The following SRP72 variants were observed in gnomAD, a reference collection of about 807,000 sequenced individuals.
SRP72 encodes signal recognition particle subunit SRP72.
In SRP72, 49 loss-of-function variants were observed where a neutral mutation model predicts 96.3. The observed-to-expected ratio is 0.51, with a 90% CI of 0.40 to 0.65. The LOEUF (loss-of-function observed/expected upper bound fraction) is 0.65. Ranked by LOEUF, SRP72 falls within the 30% of genes least tolerant of loss-of-function variation. SRP72 has a pLI of 0.00. For missense variants in SRP72, 736 were observed against 793.3 expected, an observed-to-expected ratio of 0.93 and a Z score of 0.87; for synonymous variants, 267 against 275.2, an observed-to-expected ratio of 0.97 and a Z score of 0.30.
At chr4:56,494,967 C>T (rs1355255031) in intron 16 of SRP72, among the ~76,000 whole-genome samples, 1 of 152,192 alleles carries the variant, frequency 6.6e-6, no homozygotes, top group Non-Finnish European at 1.5e-5. Flanking sequence ...ATCTTACCTA[C>T]ACATGTTCTT....
chr4:56,468,511 G>T (rs889607415), intron 1 of SRP72, among the ~76,000 whole-genome samples: 1 of 102,814 alleles, frequency 9.7e-6, no homozygotes, highest in Non-Finnish European at 2.1e-5. Context: ...TCTCGGTGGT[G>T]CGCAGTTCTT....
At chr4:56,492,348 A>G (rs1240764753) in intron 16 of SRP72, among the ~76,000 whole-genome samples, 5 of 152,240 alleles carry the variant, frequency 3.3e-5, no homozygotes, top group Admixed American at 6.5e-5. Context: ...AGAAAAGGTT[A>G]GTCGGCTTCA....
At chr4:56,473,765 CAAAAAAAAAA>C (rs998156276) in intron 3 of SRP72, among the ~76,000 whole-genome samples, 8 of 141,600 alleles carry the variant, frequency 5.6e-5, no homozygotes, top group Non-Finnish European at 9.2e-5. Flanking sequence ...AACTCCGTCT[CAAAAAAAAAA>C]GAAAAAGAAA....
At chr4:56,487,245 G>A (rs565094997) in intron 11 of SRP72, among the ~76,000 whole-genome samples, 1 of 152,168 alleles carries the variant, frequency 6.6e-6, no homozygotes, top group South Asian at 2.1e-4. Flanking sequence ...TTGGCAGTTA[G>A]GGAAAAAATG....
At chr4:56,500,771 A>T in intron 18 of SRP72, 76 bp downstream of exon 18, 1 of 1,351,296 alleles carries the variant, frequency 7.4e-7, no homozygotes, top group Non-Finnish European at 1.0e-6. Context: ...ATTAGTGAGA[A>T]TTTGTTAATA....
At chr4:56,477,299 C>CTTTTTTTTTTTT (rs1720276211) in intron 6 of SRP72, 40 of 97,298 alleles carry the variant, frequency 4.1e-4, no homozygotes, top group African/African-American at 1.5e-3. Context: ...CTCTCTCTCT[C>CTTTTTTTTTTTT]TCTTTTTTTT....
intron 6 of SRP72, among the ~76,000 whole-genome samples, chr4:56,477,513 A>G (rs1720294701): frequency 1.3e-5 from 2 of 151,706 alleles, no homozygotes; most frequent in Non-Finnish European, 2.9e-5. Context: ...GGCTTATCTC[A>G]AACTCCAGGC....
rs539665243 is a variant in SRP72 at position 56,484,026 on chromosome 4, A to ATTTTTTTTTTTTTTTT, written c.958-700_958-685dup. On this transcript the variant is annotated intron_variant, in intron 9 of 18. Transcript: ENST00000642900. ...TTTAGTGGGAGACAGAGAAGCAGTA[A>ATTTTTTTTTTTTTTTT]TTTTTTTTTTTTTTTTTTTTTTTTT... Among the ~76,000 whole-genome samples, 615 of 86,592 alleles carry ATTTTTTTTTTTTTTTT rather than the reference A, an allele frequency of 7.1e-3. 70 individuals are homozygous for ATTTTTTTTTTTTTTTT. The highest frequency in any genetic ancestry group is 0.024 in the East Asian group (45 of 1,858). The allele number at this position is 86,592 out of a possible 152,430, so 56.8% of individuals were successfully genotyped here. A position where few individuals can be genotyped will look rare whatever the true frequency, so the allele number is the denominator to read the frequency against.
chr4:56,487,877 T>C, intron 11 of SRP72, 72 bp from the exon 12 acceptor site: 1 of 1,207,784 alleles, frequency 8.3e-7, no homozygotes, highest in Non-Finnish European at 1.2e-6. Context: ...TGGGAGGAAG[T>C]AAAATTTCTT....
chr4:56,468,224 G>A (rs1349187177), intron 1 of SRP72, among the ~76,000 whole-genome samples: 1 of 152,170 alleles, frequency 6.6e-6, no homozygotes, highest in African/African-American at 2.4e-5. Context: ...TGCTAACCAG[G>A]TGGAAGCTGT....
At chr4:56,494,200 C>T (rs1721001744) in intron 16 of SRP72, among the ~76,000 whole-genome samples, 1 of 152,066 alleles carries the variant, frequency 6.6e-6, no homozygotes, top group African/African-American at 2.4e-5. Context: ...ATGAAACACT[C>T]AAGTAAGATA....
chr4:56,489,381 T>C lies in SRP72; in HGVS notation c.1225-7T>C. On this transcript the variant is annotated splice_region_variant and splice_polypyrimidine_tract_variant and intron_variant, in intron 12 of 18. Coordinates refer to ENST00000642900, the MANE Select transcript of SRP72 (RefSeq NM_006947.4). ...GAGTTCACTAATTTATACCTTTGGC[T>C]GTGTAGGTATCTGCATTAGTTACCA... 2 of 1,544,166 alleles carry C rather than the reference T, an allele frequency of 1.3e-6. No homozygotes were observed. Among genetic ancestry groups the C allele is most frequent in the Non-Finnish European group, 1.8e-6 (2 of 1,129,986 alleles).
In SRP72 at chr4:56,486,673, A is replaced by G. The variant is rs113413912; in HGVS notation, c.1159+276A>G. On this transcript the variant is annotated intron_variant, in intron 11 of 18. Coordinates refer to ENST00000642900, the MANE Select transcript of SRP72 (RefSeq NM_006947.4). ...ATTCCTCTCTTCCAAAAGACCATAC[A>G]TACTACTCAAATTGCCTGAGTATGT... is the stretch of plus-strand genomic sequence containing the variant. Among the ~76,000 whole-genome samples, 1,658 of 152,282 alleles carry G rather than the reference A, an allele frequency of 0.011. 28 individuals carry two copies. The highest frequency in any genetic ancestry group is 0.038 in the African/African-American group (1,570 of 41,552).
Position 56,501,987 on chromosome 4 carries a change from T to C in SRP72, c.*126T>C. ...ATCTCCATATTTTCATAATTTCTTG[T>C]GTTTCAAATAGGGAAACATCTTCCT... On this transcript the variant is annotated 3_prime_UTR_variant, in exon 19 of 19. Transcript: ENST00000642900. 1 of 1,052,290 alleles carries C rather than the reference T, an allele frequency of 9.5e-7. No homozygotes were observed. The highest frequency in any genetic ancestry group is 1.4e-6 in the Non-Finnish European group (1 of 717,548). 65.2% of individuals were successfully genotyped at this position (1,052,290 alleles called of 1,614,324 possible). A position where few individuals can be genotyped will look rare whatever the true frequency, so the allele number is the denominator to read the frequency against.
At position 56,493,881 on chromosome 4, in the gene SRP72, A is replaced by G. The variant is rs187626744; in HGVS notation, c.1641-1476A>G. 3.6e-3 allele frequency among the ~76,000 whole-genome samples: 545 copies of G among 152,278 alleles called. 2 individuals carry two copies. Among genetic ancestry groups the G allele is most frequent in the Non-Finnish European group, 5.3e-3 (361 of 68,018 alleles). On this transcript the variant is annotated intron_variant, in intron 16 of 18. Coordinates refer to ENST00000642900, the MANE Select transcript of SRP72 (RefSeq NM_006947.4). ...ACTCTGTCTAAAAAAAAGGAACTTG[A>G]ATCTAGCAGAAGGAAATATATTTAA...
At position 56,503,568 on chromosome 4, in the gene SRP72, T is replaced by C. The variant is rs1721338975; in HGVS notation, c.*1707T>C. ...TGGATAGGTCTTTAACCAGTTCATA[T>C]ATATACTTTGTCAAATATATGGATG... On this transcript the variant is annotated 3_prime_UTR_variant, in exon 19 of 19. Coordinates refer to ENST00000642900, the MANE Select transcript of SRP72 (RefSeq NM_006947.4). The C allele has an allele frequency of 6.6e-6, 1 of 152,246 alleles. No individual in the cohort carries two copies. Among genetic ancestry groups the C allele is most frequent in the Non-Finnish European group, 1.5e-5 (1 of 68,032 alleles). The allele number at this position is 152,246 out of a possible 1,614,324, so 9.4% of individuals were successfully genotyped here.
intron 8 of SRP72, among the ~76,000 whole-genome samples, chr4:56,481,600 A>T (rs1371555982): frequency 6.6e-6 from 1 of 152,122 alleles, no homozygotes; most frequent in Non-Finnish European, 1.5e-5. Context: ...CTGCTAAAAA[A>T]AAAATGGGTT....
chr4:56,483,877 A>G (rs1720598292), intron 9 of SRP72, among the ~76,000 whole-genome samples: 1 of 152,144 alleles, frequency 6.6e-6, no homozygotes, highest in Non-Finnish European at 1.5e-5. Context: ...CCATGATTAT[A>G]GATTTAAGAC....
chr4:56,495,257 G>A, intron 16 of SRP72, 100 bp from the exon 17 acceptor site: 2 of 690,442 alleles, frequency 2.9e-6, no homozygotes, highest in East Asian at 6.2e-5. Context: ...CTTAAACCAT[G>A]TTTATGATAA....
Sources: gnomAD v4.1 joint callset for allele counts (sites outside exome capture counted in the v4.1 genomes callset) on GRCh38, gnomAD v4.1.1 for gene constraint, MANE v1.5 for transcripts, NCBI Gene and HGNC (gene_info 2026-07-23, HGNC 2026-07-21) for gene names.